The following PPFIBP2 variants were observed in gnomAD, a reference collection of about 807,000 sequenced individuals.
The protein encoded by PPFIBP2 is liprin-beta-2.
A neutral mutation model predicts 118.3 loss-of-function variants in PPFIBP2; 118 were observed. That is an observed-to-expected ratio of 1.00 (90% CI 0.86 to 1.16). The LOEUF (loss-of-function observed/expected upper bound fraction) is 1.16, where lower values mean the gene tolerates loss of function less well. PPFIBP2 is among the 50% of genes most tolerant of loss of function. The pLI, the probability that PPFIBP2 is intolerant of heterozygous loss-of-function variation, is 0.00. For synonymous variants in PPFIBP2, 414 were observed against 397.4 expected (o/e 1.04, Z -0.50); for missense variants, 1,195 against 1,073.1 (o/e 1.11, Z -1.59).
At chr11:7,665,190 G>A in the PPFIBP2 span, 1 of 492,858 alleles carries the variant, frequency 2.0e-6, no homozygotes. Flanking sequence ...GGAGGCCCCA[G>A]CAGCCAGTCT....
intron 14 of PPFIBP2, among the ~76,000 whole-genome samples, chr11:7,637,322 CCT>C (rs1341739081): frequency 1.3e-5 from 2 of 152,226 alleles, no homozygotes; most frequent in East Asian, 3.8e-4. Flanking sequence ...TCTAAGGACT[CCT>C]CTTCTAGATT....
At chr11:7,565,973 T>G (rs919424964) in intron 3 of PPFIBP2, among the ~76,000 whole-genome samples, 1 of 152,148 alleles carries the variant, frequency 6.6e-6, no homozygotes, top group Non-Finnish European at 1.5e-5. Context: ...CCTCTGCCCT[T>G]CCATGGTCCA....
chr11:7,642,266 A>G (rs1852299868), intron 16 of PPFIBP2, 32 bp from the exon 17 acceptor site: 2 of 1,611,806 alleles, frequency 1.2e-6, no homozygotes, highest in African/African-American at 1.3e-5. Flanking sequence ...TGACTATTCC[A>G]TGACCGTCTC....
intron 4 of PPFIBP2, among the ~76,000 whole-genome samples, chr11:7,595,891 CTTT>C (rs35903584): frequency 1.4e-5 from 2 of 143,604 alleles, no homozygotes; most frequent in African/African-American, 5.1e-5. Context: ...GATTTTTATC[CTTT>C]TTTTTTTTTT....
intron 1 of PPFIBP2, among the ~76,000 whole-genome samples, chr11:7,519,947 G>C (rs1371647711): frequency 6.6e-6 from 1 of 152,198 alleles, no homozygotes; most frequent in African/African-American, 2.4e-5. Context: ...TGCATGCACA[G>C]AGAGGCGACT....
intron 1 of PPFIBP2, among the ~76,000 whole-genome samples, chr11:7,537,809 C>G (rs1394302138): frequency 6.6e-6 from 1 of 152,168 alleles, no homozygotes; most frequent in Non-Finnish European, 1.5e-5. Flanking sequence ...GCCTCGCTTC[C>G]CTGCCCTCCC....
At chr11:7,528,797 G>T (rs1253741794) in intron 1 of PPFIBP2, among the ~76,000 whole-genome samples, 1 of 152,188 alleles carries the variant, frequency 6.6e-6, no homozygotes, top group Non-Finnish European at 1.5e-5. Flanking sequence ...TGAGCAGGTG[G>T]GTGTTGGTGA....
Position 7,650,893 on chromosome 11 carries a change from G to A in PPFIBP2, c.2175G>A (p.Glu725=), listed in dbSNP as rs1216297268. 3.1e-6 allele frequency: 5 copies of A among 1,614,152 alleles called. No individual in the cohort carries two copies. The highest frequency in any genetic ancestry group is 4.2e-6 in the Non-Finnish European group (5 of 1,179,984). Residue 725 remains glutamate, a synonymous_variant, in exon 22 of 24, where the codon GAG becomes GAA. Transcript: ENST00000299492. ...VVQWSNHRVM[E]WLRSVDLAEY... is the part of the protein sequence containing the mutation. ...AGTGGTCCAACCACAGGGTGATGGAGTGGTTACGATCTGTGGACCTGGCAG... is the reference window on the plus strand; with the variant it reads ...AGTGGTCCAACCACAGGGTGATGGAATGGTTACGATCTGTGGACCTGGCAG...
At chr11:7,549,913 C>T (rs1013454414) in intron 2 of PPFIBP2, among the ~76,000 whole-genome samples, 1 of 152,186 alleles carries the variant, frequency 6.6e-6, no homozygotes, top group African/African-American at 2.4e-5. Flanking sequence ...GACTTTGCCA[C>T]CTAATGCAGG....
At chr11:7,516,540 A>T (rs1413669680) in intron 1 of PPFIBP2, among the ~76,000 whole-genome samples, 1 of 152,160 alleles carries the variant, frequency 6.6e-6, no homozygotes, top group Non-Finnish European at 1.5e-5. Context: ...GAGCCTGCCA[A>T]CAGACAACAT....
At chr11:7,665,445 G>T in the PPFIBP2 span, 1 of 1,613,662 alleles carries the variant, frequency 6.2e-7, no homozygotes. Context: ...GTCTGGATTA[G>T]TGGTGGCGGG....
At chr11:7,655,546 C>G (rs1854603705), downstream of PPFIBP2, 1 of 1,268,724 alleles carries the variant, frequency 7.9e-7, no homozygotes, top group Non-Finnish European at 1.0e-6. Flanking sequence ...CCAGGGAGGC[C>G]CAGTGAGTTT....
intron 2 of PPFIBP2, among the ~76,000 whole-genome samples, chr11:7,560,323 T>G (rs937806097): frequency 6.6e-6 from 1 of 152,208 alleles, no homozygotes; most frequent in Admixed American, 6.5e-5. Flanking sequence ...ATCTCTCACT[T>G]AGAGTCAACA....
chr11:7,665,413 C>G, the PPFIBP2 span: 1 of 1,606,892 alleles, frequency 6.2e-7, no homozygotes, highest in Middle Eastern at 1.7e-4. Context: ...AACCCAGCTT[C>G]TCCAGGTTAG....
chr11:7,525,531 G>A (rs968064630), intron 1 of PPFIBP2, among the ~76,000 whole-genome samples: 9 of 152,162 alleles, frequency 5.9e-5, no homozygotes, highest in Admixed American at 2.6e-4. Context: ...CCATGGTGGC[G>A]GTGAGCAGAA....
chr11:7,586,574 G>A (rs377000902), intron 3 of PPFIBP2, among the ~76,000 whole-genome samples: 91 of 152,252 alleles, frequency 6.0e-4, no homozygotes, highest in African/African-American at 2.1e-3. Flanking sequence ...CTGTTGCTCC[G>A]TGAAGCATGA....
chr11:7,543,794 A>G (rs1288803615), intron 1 of PPFIBP2, among the ~76,000 whole-genome samples: 2 of 152,236 alleles, frequency 1.3e-5, no homozygotes, highest in African/African-American at 4.8e-5. Context: ...TATATAAATC[A>G]CTGTTTGCCT....
intron 5 of PPFIBP2, 116 bp from the exon 6 acceptor site, chr11:7,610,175 C>A: frequency 7.6e-7 from 1 of 1,314,200 alleles, no homozygotes; most frequent in Non-Finnish European, 1.1e-6. Flanking sequence ...GTAGCAGTCT[C>A]AATTCTGTGT....
chr11:7,664,003 G>A, the PPFIBP2 span, among the ~76,000 whole-genome samples: 4 of 152,108 alleles, frequency 2.6e-5, no homozygotes, highest in East Asian at 3.9e-4. Flanking sequence ...GCCCTGCTTC[G>A]GCTCGCACAC....
Sources: gnomAD v4.1 joint callset for allele counts (sites outside exome capture counted in the v4.1 genomes callset) on GRCh38, gnomAD v4.1.1 for gene constraint, MANE v1.5 for transcripts, NCBI Gene and HGNC (gene_info 2026-07-23, HGNC 2026-07-21) for gene names.